Variants in NRG3 observed in about 807,000 individuals in gnomAD.
NRG3 encodes the protein neuregulin 3.
NRG3 carries 31 observed loss-of-function variants against 66.9 expected under a neutral mutation model. That is an observed-to-expected ratio of 0.46 (90% CI 0.35 to 0.63). The LOEUF is 0.63. NRG3 is among the 20% of genes least tolerant of loss of function. NRG3 has a pLI of 0.00. For missense variants in NRG3, 910 were observed against 878.9 expected (o/e 1.04, Z -0.45); for synonymous variants, 393 against 359.4 (o/e 1.09, Z -1.06).
At chr10:82,676,835 C>T (rs1297365555) in intron 2 of NRG3, among the ~76,000 whole-genome samples, 2 of 151,518 alleles carry the variant, frequency 1.3e-5, no homozygotes, top group African/African-American at 4.9e-5. Flanking sequence ...TTTCTTTGAA[C>T]GTTTTTTTTT....
rs150337906 is a variant in NRG3 at position 82,495,234 on chromosome 10, C to T, written c.953+136366C>T. Among the ~76,000 whole-genome samples, 126 of 152,254 alleles carry T rather than the reference C, an allele frequency of 8.3e-4. 1 individual carries two copies. Among genetic ancestry groups the T allele is most frequent in the Admixed American group, 2.8e-3 (43 of 15,302 alleles). On this transcript the variant is annotated intron_variant, in intron 2 of 8. Transcript: ENST00000372141. ...ACAGGCGTGAGCCACTGCGCCAGGCCGATCCCTGCTCTTTCTTAATCATAG... is the reference window on the plus strand; with the variant it reads ...ACAGGCGTGAGCCACTGCGCCAGGCTGATCCCTGCTCTTTCTTAATCATAG...
chr10:82,633,240 A>G (rs1222538965), intron 2 of NRG3, among the ~76,000 whole-genome samples: 1 of 152,182 alleles, frequency 6.6e-6, no homozygotes, highest in Non-Finnish European at 1.5e-5. Flanking sequence ...TAGTGGCAAG[A>G]GGTGTTGGGA....
At chr10:82,059,562 T>C (rs1408074804) in intron 1 of NRG3, among the ~76,000 whole-genome samples, 2 of 152,204 alleles carry the variant, frequency 1.3e-5, no homozygotes, top group Admixed American at 1.3e-4. Context: ...CTTTTTGAAC[T>C]AGATATCTAT....
At chr10:82,648,425 A>T (rs548763149) in intron 2 of NRG3, among the ~76,000 whole-genome samples, 1 of 152,198 alleles carries the variant, frequency 6.6e-6, no homozygotes, top group South Asian at 2.1e-4. Context: ...GTATAGTTTG[A>T]AGTCAGGTAG....
chr10:82,564,382 C>T (rs1004505423), intron 2 of NRG3, among the ~76,000 whole-genome samples: 6 of 152,156 alleles, frequency 3.9e-5, no homozygotes, highest in Middle Eastern at 3.4e-3. Context: ...AATTTTTGCT[C>T]AGGAAATTCT....
At chr10:82,035,070 AT>A (rs1456933183) in intron 1 of NRG3, among the ~76,000 whole-genome samples, 1 of 151,988 alleles carries the variant, frequency 6.6e-6, no homozygotes, top group African/African-American at 2.4e-5. Flanking sequence ...AGTGGGTTTG[AT>A]TTTCTTTACC....
chr10:81,880,558 C>T (rs979947782), intron 1 of NRG3, among the ~76,000 whole-genome samples: 1 of 152,204 alleles, frequency 6.6e-6, no homozygotes, highest in Non-Finnish European at 1.5e-5. Flanking sequence ...TCTCCTCTCT[C>T]TGGAGCTACT....
chr10:82,289,663 A>G (rs557034714), intron 1 of NRG3, among the ~76,000 whole-genome samples: 22 of 152,260 alleles, frequency 1.4e-4, no homozygotes, highest in African/African-American at 4.6e-4. Flanking sequence ...AGTTTTGTAT[A>G]ATATATACCT....
At chr10:82,315,631 T>C (rs1459641796) in intron 1 of NRG3, among the ~76,000 whole-genome samples, 6 of 152,004 alleles carry the variant, frequency 3.9e-5, no homozygotes, top group African/African-American at 1.5e-4. Flanking sequence ...TGATCGTATC[T>C]CTGTGTCAAA....
intron 2 of NRG3, among the ~76,000 whole-genome samples, chr10:82,685,143 C>A (rs552050394): frequency 6.6e-6 from 1 of 151,992 alleles, no homozygotes; most frequent in Non-Finnish European, 1.5e-5. Flanking sequence ...AGAGGCCCCC[C>A]CCAAAACTTA....
chr10:82,107,955 G>T (rs2067167875), intron 1 of NRG3, among the ~76,000 whole-genome samples: 1 of 152,206 alleles, frequency 6.6e-6, no homozygotes, highest in African/African-American at 2.4e-5. Flanking sequence ...AAATGAGGGT[G>T]ATGGCCAGCT....
intron 2 of NRG3, among the ~76,000 whole-genome samples, chr10:82,446,449 A>ATAAAG (rs2136508393): frequency 6.6e-6 from 1 of 152,284 alleles, no homozygotes; most frequent in Non-Finnish European, 1.5e-5. Flanking sequence ...GGAATACTAC[A>ATAAAG]CAGCCATAAA....
At chr10:81,884,192 G>A (rs550961813) in intron 1 of NRG3, among the ~76,000 whole-genome samples, 2 of 152,276 alleles carry the variant, frequency 1.3e-5, no homozygotes, top group East Asian at 1.9e-4. Flanking sequence ...CTAATTCACT[G>A]TTATAGTGTC....
At chr10:82,425,921 G>C (rs1564907130) in intron 2 of NRG3, among the ~76,000 whole-genome samples, 2 of 152,118 alleles carry the variant, frequency 1.3e-5, no homozygotes, top group African/African-American at 2.4e-5. Context: ...TGCCGTGAGA[G>C]GGGAAGCATT....
chr10:82,473,532 G>A (rs1197911095), intron 2 of NRG3, among the ~76,000 whole-genome samples: 2 of 152,048 alleles, frequency 1.3e-5, no homozygotes, highest in African/African-American at 2.4e-5. Context: ...GTAGGGACTC[G>A]GAAATTGGCA....
rs144505630 is a variant in NRG3, at chr10:82,244,497, G to A, written c.824-114242G>A. On this transcript the variant is annotated intron_variant, in intron 1 of 8. Coordinates refer to ENST00000372141, the MANE Select transcript of NRG3 (RefSeq NM_001010848.4). ...ATTGCCTAATCAGAAAAATAAGGAC[G>A]ATGGAATAGGTGGTCTTCTGAATCT... is the stretch of plus-strand genomic sequence containing the variant. Among the ~76,000 whole-genome samples the A allele has an allele frequency of 4.7e-3, 712 of 152,196 alleles. 4 individuals are homozygous for A. The highest frequency in any genetic ancestry group is 0.015 in the African/African-American group (632 of 41,538).
At position 82,489,582 on chromosome 10, in the gene NRG3, CAG is replaced by C. The variant is rs150123445; in HGVS notation, c.953+130715_953+130716del. Reference sequence around the variant, plus strand: ...CCTCAACCTAAGGTATTGTCACAAACAGGGGGCTGGAGCCTGGATTCATTCAT... The same window carrying C: ...CCTCAACCTAAGGTATTGTCACAAACGGGGCTGGAGCCTGGATTCATTCAT... On this transcript the variant is annotated intron_variant, in intron 2 of 8. Transcript: ENST00000372141. Among the ~76,000 whole-genome samples, 874 of 152,272 alleles carry C rather than the reference CAG, an allele frequency of 5.7e-3. 7 individuals are homozygous for C. The highest frequency in any genetic ancestry group is 0.02 in the African/African-American group (844 of 41,556).
At chr10:82,688,769 GAA>G (rs66722309) in intron 2 of NRG3, among the ~76,000 whole-genome samples, 13 of 136,928 alleles carry the variant, frequency 9.5e-5, no homozygotes, top group East Asian at 6.3e-4. Flanking sequence ...GTCTTTTTTA[GAA>G]AAAAAAAAAA....
intron 3 of NRG3, among the ~76,000 whole-genome samples, chr10:82,810,235 A>G (rs2061435991): frequency 6.6e-6 from 1 of 152,148 alleles, no homozygotes; most frequent in Non-Finnish European, 1.5e-5. Flanking sequence ...CCCTAAGGTT[A>G]TGGATATGTA....
Sources: allele counts gnomAD v4.1 joint callset (sites outside exome capture counted in the v4.1 genomes callset), GRCh38; gene constraint gnomAD v4.1.1; transcripts MANE v1.5; gene names NCBI Gene and HGNC (gene_info 2026-07-23, HGNC 2026-07-21).